The following TANC1 variants were observed in gnomAD, a reference collection of about 807,000 sequenced individuals.
TANC1 encodes the protein tetratricopeptide repeat, ankyrin repeat and coiled-coil containing 1, also known as protein TANC1.
In TANC1, 77 loss-of-function variants were observed where a neutral mutation model predicts 149.7. The observed-to-expected ratio is 0.51, with a 90% CI of 0.43 to 0.62. The LOEUF (loss-of-function observed/expected upper bound fraction) is 0.62, where lower values mean the gene tolerates loss of function less well. TANC1 is among the 20% of genes least tolerant of loss of function. The pLI is 0.00. For synonymous variants in TANC1, 854 were observed against 925.0 expected, an observed-to-expected ratio of 0.92 and a Z score of 1.39; for missense variants, 1,985 against 2,321.8, an observed-to-expected ratio of 0.85 and a Z score of 2.98.
In TANC1 at chr2:159,191,854, G is replaced by T. The variant is rs73002969; in HGVS notation, c.2743-2403G>T. Among the ~76,000 whole-genome samples, 1,333 of 152,152 alleles carry T rather than the reference G, an allele frequency of 8.8e-3. 17 individuals are homozygous for T. The highest frequency in any genetic ancestry group is 0.03 in the African/African-American group (1,235 of 41,486). ...ATGTGTCTCTAGTCAATAAATGATA[G>T]TCTCTGTGGTTTTCACATTTAGTGG... On this transcript the variant is annotated intron_variant, in intron 16 of 26. Coordinates refer to ENST00000263635, the MANE Select transcript of TANC1 (RefSeq NM_033394.3).
chr2:159,176,063 C>A (rs2055826104), intron 12 of TANC1, among the ~76,000 whole-genome samples: 1 of 152,146 alleles, frequency 6.6e-6, no homozygotes, highest in Non-Finnish European at 1.5e-5. Context: ...TAGCCCACCC[C>A]AATGACAGTG....
chr2:159,185,974 C>A, intron 15 of TANC1, 75 bp downstream of exon 15: 2 of 1,109,248 alleles, frequency 1.8e-6, no homozygotes, highest in Non-Finnish European at 2.7e-6. Flanking sequence ...TTTTAGACAG[C>A]TCTGTCAGCC....
chr2:159,162,912 A>C (rs566700295), intron 7 of TANC1, among the ~76,000 whole-genome samples: 4 of 152,294 alleles, frequency 2.6e-5, no homozygotes, highest in South Asian at 4.1e-4. Flanking sequence ...AGTATATTTA[A>C]AGGTTCAAAG....
intron 4 of TANC1, among the ~76,000 whole-genome samples, 174 bp from the exon 5 acceptor site, chr2:159,136,000 TTTTGTGTGTGTGTGTGTGTG>T (rs1187877787): frequency 3.1e-4 from 29 of 94,840 alleles, no homozygotes; most frequent in Non-Finnish European, 5.9e-4. Context: ...TGTACTGAAA[TTTTGTGTGTGTGTGTGTGTG>T]TGTGTGTGTG....
At chr2:159,222,561 T>C (rs960747791) in intron 22 of TANC1, among the ~76,000 whole-genome samples, 5 of 152,248 alleles carry the variant, frequency 3.3e-5, no homozygotes, top group African/African-American at 1.2e-4. Context: ...TGTGTTAGAA[T>C]AGCATTTCCT....
intron 7 of TANC1, among the ~76,000 whole-genome samples, chr2:159,155,602 G>T (rs1255418588): frequency 6.6e-6 from 1 of 152,194 alleles, no homozygotes; most frequent in Non-Finnish European, 1.5e-5. Context: ...GAGCTGGCAG[G>T]CATGAGCCGC....
intron 4 of TANC1, among the ~76,000 whole-genome samples, chr2:159,128,678 A>C (rs572473357): frequency 3.4e-4 from 52 of 152,224 alleles, no homozygotes; most frequent in Non-Finnish European, 5.3e-4. Context: ...TTCCTGTTAT[A>C]AAGACTCCCT....
At chr2:159,096,974 A>G (rs960169613) in intron 3 of TANC1, among the ~76,000 whole-genome samples, 4 of 152,202 alleles carry the variant, frequency 2.6e-5, no homozygotes, top group Non-Finnish European at 5.9e-5. Flanking sequence ...ACAATGTTTA[A>G]TTTCCTAATA....
At position 159,219,809 on chromosome 2, in the gene TANC1, C is replaced by T. The variant is rs1020970549; in HGVS notation, c.3620C>T (p.Thr1207Ile). Residue 1207 changes from threonine (T) to isoleucine (I), a missense_variant, in exon 22 of 27, where the codon ACA (threonine) becomes ATA (isoleucine). Transcript: ENST00000263635. ...GAAGAAGGAGCTGCAATAGACCAGA[C>T]AGACAAGAATGGCCGCACACCCTTG... Reference protein sequence around the residue: ...LVEEGAAIDQTDKNGRTPLDL... With the variant: ...LVEEGAAIDQIDKNGRTPLDL... 6.2e-7 allele frequency: 1 copy of T among 1,614,006 alleles called. No individual in the cohort carries two copies. Among genetic ancestry groups the T allele is most frequent in the Non-Finnish European group, 8.5e-7 (1 of 1,180,036 alleles).
At chr2:159,002,056 C>T (rs72936417) in intron 2 of TANC1, among the ~76,000 whole-genome samples, 5,785 of 152,228 alleles carry the variant, frequency 0.038, 161 homozygotes, top group Non-Finnish European at 0.058. Context: ...CCAAGTGACA[C>T]CAACTTGTTC....
intron 18 of TANC1, 78 bp downstream of exon 18, chr2:159,196,871 AAAG>A (rs1234715455): frequency 7.3e-7 from 1 of 1,373,502 alleles, no homozygotes; most frequent in Non-Finnish European, 9.8e-7. Context: ...TGAAGGACCG[AAAG>A]AAGGAGGATG....
At chr2:159,092,466 C>T (rs1358640480) in intron 3 of TANC1, among the ~76,000 whole-genome samples, 1 of 152,160 alleles carries the variant, frequency 6.6e-6, no homozygotes, top group Non-Finnish European at 1.5e-5. Context: ...CTTTTCACAG[C>T]CTGTAATGGT....
At chr2:159,164,035 C>T (rs2054322091) in intron 8 of TANC1, among the ~76,000 whole-genome samples, 1 of 152,120 alleles carries the variant, frequency 6.6e-6, no homozygotes, top group Non-Finnish European at 1.5e-5. Context: ...AAAATGTAAG[C>T]AGTGGAAGTA....
chr2:159,027,919 G>A (rs1223823125), intron 2 of TANC1, among the ~76,000 whole-genome samples: 4 of 152,244 alleles, frequency 2.6e-5, no homozygotes, highest in East Asian at 1.9e-4. Flanking sequence ...ATCACGCAGC[G>A]AGAGGGCAAG....
intron 2 of TANC1, among the ~76,000 whole-genome samples, chr2:159,018,196 G>T (rs264619): frequency 0.34 from 52,195 of 151,978 alleles, 9,861 homozygotes; most frequent in East Asian, 0.51. Context: ...CCAACTGCTC[G>T]AGACAGGTAT....
At chr2:159,146,858 C>T (rs1472711637) in intron 5 of TANC1, among the ~76,000 whole-genome samples, 4 of 152,050 alleles carry the variant, frequency 2.6e-5, no homozygotes, top group African/African-American at 9.7e-5. Context: ...CCCTTTTCAA[C>T]TCAACCATTA....
chr2:159,229,795 G>A lies in TANC1; in HGVS notation c.4369G>A (p.Glu1457Lys), dbSNP rs370646958. ...TGGCTTAAGTGACCACTTTCACTCT[G>A]AGGAGACTGAAGAGGAAGAAACTTC... ...TPGLSDHFHS[E>K]ETEEEETSPQ... Residue 1457 changes from glutamate to lysine, a missense_variant, in exon 27 of 27, where the codon GAG (glutamate) becomes AAG (lysine). Glu to Lys is a moderately conservative substitution (Grantham distance 56). Transcript: ENST00000263635. 1.7e-5 allele frequency: 27 copies of A among 1,613,578 alleles called. No individual in the cohort carries two copies. The highest frequency in any genetic ancestry group is 3.3e-5 in the Admixed American group (2 of 59,884).
intron 1 of TANC1, among the ~76,000 whole-genome samples, chr2:158,980,164 A>C (rs1330673572): frequency 6.6e-6 from 1 of 152,212 alleles, no homozygotes; most frequent in Non-Finnish European, 1.5e-5. Context: ...AAAGTAAACC[A>C]GGTATTTTTG....
chr2:159,204,110 G>A (rs1018546700), intron 19 of TANC1, among the ~76,000 whole-genome samples: 1 of 152,232 alleles, frequency 6.6e-6, no homozygotes, highest in Non-Finnish European at 1.5e-5. Context: ...TAAATTACAT[G>A]TGACAGGTGG....
Sources: allele counts gnomAD v4.1 joint callset (sites outside exome capture counted in the v4.1 genomes callset), GRCh38; gene constraint gnomAD v4.1.1; transcripts MANE v1.5; gene names NCBI Gene and HGNC (gene_info 2026-07-23, HGNC 2026-07-21).